Variants in SCHIP1 observed in about 807,000 individuals in gnomAD.
SCHIP1 encodes the protein schwannomin-interacting protein 1.
In SCHIP1, 8 loss-of-function variants were observed where a neutral mutation model predicts 29.7. That is an observed-to-expected ratio of 0.27 (90% CI 0.16 to 0.49). SCHIP1 has a LOEUF of 0.49. Ranked by LOEUF, SCHIP1 falls within the 20% of genes least tolerant of loss-of-function variation. The pLI is 0.99. For missense variants in SCHIP1, 193 were observed against 294.6 expected, an observed-to-expected ratio of 0.66 and a Z score of 2.52; for synonymous variants, 76 against 94.9, an observed-to-expected ratio of 0.80 and a Z score of 1.16.
At chr3:159,497,097 G>T in the SCHIP1 span, among the ~76,000 whole-genome samples, 1 of 152,142 alleles carries the variant, frequency 6.6e-6, no homozygotes, top group East Asian at 1.9e-4. Context: ...ACACACTGGG[G>T]ACTGTTGTGG....
At chr3:159,565,887 T>A in the SCHIP1 span, among the ~76,000 whole-genome samples, 1 of 152,206 alleles carries the variant, frequency 6.6e-6, no homozygotes, top group Non-Finnish European at 1.5e-5. Context: ...ATAATGAACA[T>A]CTTACTACTT....
chr3:159,368,985 C>T, the SCHIP1 span, among the ~76,000 whole-genome samples: 15 of 152,166 alleles, frequency 9.9e-5, no homozygotes, highest in African/African-American at 3.6e-4. Context: ...ATCCTACTGA[C>T]GTTACACTTG....
At chr3:159,581,126 TCTG>T in the SCHIP1 span, among the ~76,000 whole-genome samples, 2 of 152,192 alleles carry the variant, frequency 1.3e-5, no homozygotes, top group East Asian at 3.9e-4. Context: ...GAAGACGACT[TCTG>T]CTTCTGGGAA....
At chr3:159,524,701 T>C in the SCHIP1 span, among the ~76,000 whole-genome samples, 1 of 152,334 alleles carries the variant, frequency 6.6e-6, no homozygotes, top group East Asian at 1.9e-4. Context: ...AAGAGACTAC[T>C]GTGCCCAAGA....
At chr3:159,566,246 A>G in the SCHIP1 span, among the ~76,000 whole-genome samples, 1 of 152,216 alleles carries the variant, frequency 6.6e-6, no homozygotes, top group African/African-American at 2.4e-5. Flanking sequence ...TCAGTGCACA[A>G]ATAAGAATGT....
chr3:159,338,895 C>T, the SCHIP1 span, among the ~76,000 whole-genome samples: 1 of 152,080 alleles, frequency 6.6e-6, no homozygotes, highest in Non-Finnish European at 1.5e-5. Flanking sequence ...GTGAAAGAAG[C>T]TATGTCACTA....
At chr3:159,622,427 T>C in the SCHIP1 span, among the ~76,000 whole-genome samples, 1 of 152,336 alleles carries the variant, frequency 6.6e-6, no homozygotes, top group South Asian at 2.1e-4. Flanking sequence ...TTGTTTCTGA[T>C]GAATTTTCCC....
At chr3:159,778,854 C>T in the SCHIP1 span, among the ~76,000 whole-genome samples, 1 of 152,196 alleles carries the variant, frequency 6.6e-6, no homozygotes, top group African/African-American at 2.4e-5. Flanking sequence ...AATATGTGCA[C>T]ACACGGCCTG....
At chr3:159,308,250 A>G in the SCHIP1 span, among the ~76,000 whole-genome samples, 1 of 152,118 alleles carries the variant, frequency 6.6e-6, no homozygotes, top group African/African-American at 2.4e-5. Flanking sequence ...TACAGCCTAC[A>G]GAATGGAAGA....
At chr3:159,408,952 A>T in the SCHIP1 span, among the ~76,000 whole-genome samples, 1 of 152,210 alleles carries the variant, frequency 6.6e-6, no homozygotes, top group Non-Finnish European at 1.5e-5. Context: ...ACCAGGTGGG[A>T]TTTATCCCAG....
At chr3:159,893,629 C>G (rs1196463259) in intron 6 of SCHIP1, 1 of 152,126 alleles carries the variant, frequency 6.6e-6, no homozygotes, top group Non-Finnish European at 1.5e-5. Flanking sequence ...AGAGGCCCCT[C>G]CTCTTCTCTC....
chr3:159,585,037 T>C, the SCHIP1 span, among the ~76,000 whole-genome samples: 2 of 152,088 alleles, frequency 1.3e-5, no homozygotes, highest in Non-Finnish European at 2.9e-5. Context: ...CAATGAGTTC[T>C]ACCCCGGCCA....
chr3:159,691,146 T>C, the SCHIP1 span, among the ~76,000 whole-genome samples: 1 of 152,314 alleles, frequency 6.6e-6, no homozygotes, highest in Non-Finnish European at 1.5e-5. Flanking sequence ...CTGAATATCC[T>C]TGTAAATTTT....
chr3:159,497,568 T>C, the SCHIP1 span, among the ~76,000 whole-genome samples: 79 of 151,828 alleles, frequency 5.2e-4, no homozygotes, highest in Non-Finnish European at 9.9e-4. Context: ...AGAATTAAGA[T>C]GCCAATATTT....
At chr3:159,879,081 A>C (rs887345035) in intron 2 of SCHIP1, among the ~76,000 whole-genome samples, 14 of 151,802 alleles carry the variant, frequency 9.2e-5, no homozygotes, top group African/African-American at 3.4e-4. Flanking sequence ...TATTGGACTA[A>C]GCTTACTCAT....
the SCHIP1 span, among the ~76,000 whole-genome samples, chr3:159,559,553 T>C: frequency 6.6e-6 from 1 of 152,222 alleles, no homozygotes; most frequent in African/African-American, 2.4e-5. Context: ...TAGATTTTAA[T>C]GCAAAATTTA....
the SCHIP1 span, among the ~76,000 whole-genome samples, chr3:159,546,393 AT>A: frequency 3.3e-5 from 5 of 152,196 alleles, no homozygotes; most frequent in Admixed American, 3.3e-4. Context: ...GGCTAAGAAA[AT>A]ACCTTTTATT....
chr3:159,300,260 G>C, the SCHIP1 span, among the ~76,000 whole-genome samples: 3 of 151,180 alleles, frequency 2.0e-5, no homozygotes, highest in East Asian at 3.9e-4. Flanking sequence ...CAAGTTGATG[G>C]GACTACAGGC....
the SCHIP1 span, among the ~76,000 whole-genome samples, chr3:159,700,203 A>T: frequency 6.6e-6 from 1 of 152,192 alleles, no homozygotes; most frequent in Non-Finnish European, 1.5e-5. Flanking sequence ...CCACATAATG[A>T]TCGGTTTGCA....
Sources: allele counts gnomAD v4.1 joint callset (sites outside exome capture counted in the v4.1 genomes callset), GRCh38; gene constraint gnomAD v4.1.1; transcripts MANE v1.5; gene names NCBI Gene and HGNC (gene_info 2026-07-23, HGNC 2026-07-21).